KIF16B: variants seen among roughly 807,000 people sequenced by gnomAD.
The protein encoded by KIF16B is kinesin family member 16B.
A neutral mutation model predicts 156.3 loss-of-function variants in KIF16B; 98 were observed. That is an observed-to-expected ratio of 0.63 (90% confidence interval 0.53 to 0.74). The LOEUF is 0.74. KIF16B is among the 30% of genes least tolerant of loss of function. The pLI, the probability that KIF16B is intolerant of heterozygous loss-of-function variation, is 0.00. For synonymous variants in KIF16B, 564 were observed against 583.7 expected (o/e 0.97, Z 0.49); for missense variants, 1,421 against 1,606.5 (o/e 0.88, Z 1.97).
chr20:16,480,484 C>T (rs1396902930), intron 12 of KIF16B, among the ~76,000 whole-genome samples: 3 of 152,184 alleles, frequency 2.0e-5, no homozygotes, highest in Non-Finnish European at 4.4e-5. Flanking sequence ...ATCCAGGTCA[C>T]CTCAGTAAAC....
At chr20:16,448,184 G>A (rs556279669) in intron 12 of KIF16B, among the ~76,000 whole-genome samples, 2 of 152,298 alleles carry the variant, frequency 1.3e-5, no homozygotes, top group East Asian at 3.9e-4. Context: ...TCCACAGGGT[G>A]GAGGAACAGG....
chr20:16,411,516 G>T (rs1422456062), intron 15 of KIF16B, among the ~76,000 whole-genome samples: 5 of 152,014 alleles, frequency 3.3e-5, no homozygotes, highest in Non-Finnish European at 7.4e-5. Flanking sequence ...GTCCACAGGA[G>T]TAGCTGCAGA....
At chr20:16,443,603 G>C (rs1449708479) in intron 12 of KIF16B, among the ~76,000 whole-genome samples, 2 of 152,038 alleles carry the variant, frequency 1.3e-5, no homozygotes, top group African/African-American at 4.8e-5. Context: ...TACTACTATG[G>C]GCAACAATAC....
chr20:16,491,612 T>C (rs1001261793), intron 12 of KIF16B, among the ~76,000 whole-genome samples: 2 of 152,104 alleles, frequency 1.3e-5, no homozygotes, highest in Non-Finnish European at 2.9e-5. Context: ...AGCTGGGAAG[T>C]AGGGTACGTG....
At chr20:16,311,631 G>C (rs111782671) in intron 25 of KIF16B, among the ~76,000 whole-genome samples, 48 of 152,214 alleles carry the variant, frequency 3.2e-4, no homozygotes, top group African/African-American at 1.0e-3. Flanking sequence ...AATGGCAAGA[G>C]AGTGGCCAAG....
chr20:16,329,947 C>T (rs1394408681), intron 24 of KIF16B, among the ~76,000 whole-genome samples: 1 of 152,202 alleles, frequency 6.6e-6, no homozygotes, highest in Non-Finnish European at 1.5e-5. Flanking sequence ...AGATCACATG[C>T]AGCAAATCTG....
At chr20:16,387,656 T>G (rs2065260574) in intron 17 of KIF16B, among the ~76,000 whole-genome samples, 1 of 152,192 alleles carries the variant, frequency 6.6e-6, no homozygotes, top group Non-Finnish European at 1.5e-5. Flanking sequence ...GAAGGAAATG[T>G]CTGGAAGGGG....
intron 25 of KIF16B, among the ~76,000 whole-genome samples, chr20:16,306,293 C>A (rs1372007524): frequency 6.6e-6 from 1 of 152,116 alleles, no homozygotes; most frequent in Admixed American, 6.5e-5. Flanking sequence ...AAGTCCAGGG[C>A]ATACACCAAG....
At chr20:16,441,052 CA>C (rs1441963863) in intron 12 of KIF16B, among the ~76,000 whole-genome samples, 1 of 152,194 alleles carries the variant, frequency 6.6e-6, no homozygotes, top group Non-Finnish European at 1.5e-5. Flanking sequence ...CTTCTGATCA[CA>C]AGTACTTTAG....
intron 23 of KIF16B, among the ~76,000 whole-genome samples, chr20:16,342,523 G>A (rs554087128): frequency 2.0e-5 from 3 of 152,206 alleles, no homozygotes; most frequent in Non-Finnish European, 4.4e-5. Context: ...TTCTGTTCTG[G>A]TGGTTTCATT....
At chr20:16,334,690 C>G (rs945143339) in intron 24 of KIF16B, among the ~76,000 whole-genome samples, 2 of 152,036 alleles carry the variant, frequency 1.3e-5, no homozygotes, top group African/African-American at 4.8e-5. Flanking sequence ...GTAATGAGTA[C>G]CTTGAGATCT....
intron 1 of KIF16B, among the ~76,000 whole-genome samples, chr20:16,548,555 G>A (rs376042772): frequency 6.6e-6 from 1 of 152,196 alleles, no homozygotes; most frequent in African/African-American, 2.4e-5. Context: ...TATCGTAAAT[G>A]GCGCGTGCAA....
chr20:16,320,298 C>G lies in KIF16B; in HGVS notation c.3712-7880G>C, dbSNP rs564428616. Among the ~76,000 whole-genome samples the G allele has an allele frequency of 2.0e-5, 3 of 152,174 alleles. No individual in the cohort carries two copies. In the East Asian group the frequency reaches 5.8e-4, roughly 29 times the overall value. The stretch of plus-strand genomic sequence containing the variant: ...ATTCCTTTTACCCAATATATAGTGT[C>G]TAGCTTTCAACAAAATATTACAAGG... On this transcript the variant is annotated intron_variant, in intron 24 of 25. Transcript: ENST00000354981.
chr20:16,499,807 G>A (rs776393365), intron 10 of KIF16B, among the ~76,000 whole-genome samples: 6 of 152,170 alleles, frequency 3.9e-5, no homozygotes, highest in Non-Finnish European at 8.8e-5. Context: ...TTTTAAGCAC[G>A]TGTAAAGAAC....
intron 1 of KIF16B, among the ~76,000 whole-genome samples, chr20:16,560,586 C>G (rs1365596793): frequency 6.6e-6 from 1 of 152,212 alleles, no homozygotes; most frequent in African/African-American, 2.4e-5. Flanking sequence ...GCAGGCGGAT[C>G]ACCTGAGCTC....
At chr20:16,297,948 C>G (rs1346550245) in intron 25 of KIF16B, among the ~76,000 whole-genome samples, 3 of 152,156 alleles carry the variant, frequency 2.0e-5, no homozygotes, top group Admixed American at 1.3e-4. Context: ...CTGCTCCCAC[C>G]ATTCTCTCCA....
chr20:16,474,559 A>G (rs1228521984), intron 12 of KIF16B, among the ~76,000 whole-genome samples: 1 of 152,238 alleles, frequency 6.6e-6, no homozygotes, highest in African/African-American at 2.4e-5. Flanking sequence ...ATCATGTGGC[A>G]TAGGTCTGCT....
At chr20:16,414,799 G>C (rs1370739995) in intron 15 of KIF16B, among the ~76,000 whole-genome samples, 7 of 152,112 alleles carry the variant, frequency 4.6e-5, no homozygotes, top group Non-Finnish European at 7.4e-5. Flanking sequence ...GAAACAAAAA[G>C]AGCACAGACA....
chr20:16,424,264 G>C (rs568717972), intron 15 of KIF16B, among the ~76,000 whole-genome samples: 11 of 152,246 alleles, frequency 7.2e-5, no homozygotes, highest in Admixed American at 5.2e-4. Flanking sequence ...CAGATGGAGA[G>C]ATGAATGGGT....
Sources: allele counts gnomAD v4.1 joint callset (sites outside exome capture counted in the v4.1 genomes callset), GRCh38; gene constraint gnomAD v4.1.1; transcripts MANE v1.5; gene names NCBI Gene and HGNC (gene_info 2026-07-23, HGNC 2026-07-21).